KATNAL2: variants seen among roughly 807,000 people sequenced by gnomAD.
The protein encoded by KATNAL2 is katanin catalytic subunit A1 like 2, also known as katanin p60 ATPase-containing subunit A-like 2.
In KATNAL2, 52 loss-of-function variants were observed where a neutral mutation model predicts 76.3. The observed-to-expected ratio is 0.68, with a 90% CI of 0.55 to 0.86. KATNAL2 has a LOEUF of 0.86. Among genes scored for constraint, KATNAL2 ranks in the 40% least tolerant of loss-of-function variants. The pLI, the probability that KATNAL2 is intolerant of heterozygous loss-of-function variation, is 0.00. For synonymous variants in KATNAL2, 243 were observed against 244.2 expected, an observed-to-expected ratio of 1.00 and a Z score of 0.05; for missense variants, 660 against 668.9, an observed-to-expected ratio of 0.99 and a Z score of 0.15.
At chr18:46,948,065 G>A (rs2059433025) in intron 3 of KATNAL2, among the ~76,000 whole-genome samples, 1 of 152,154 alleles carries the variant, frequency 6.6e-6, no homozygotes, top group Non-Finnish European at 1.5e-5. Context: ...GAAAAACACA[G>A]CCGTAAACGT....
At chr18:46,951,596 C>G (rs2059558621) in intron 3 of KATNAL2, among the ~76,000 whole-genome samples, 1 of 151,636 alleles carries the variant, frequency 6.6e-6, no homozygotes, top group Admixed American at 6.6e-5. Flanking sequence ...TGCCCTATAT[C>G]CCTCTTGTAG....
At chr18:47,094,823 C>T (rs1275459907) in intron 15 of KATNAL2, among the ~76,000 whole-genome samples, 1 of 152,130 alleles carries the variant, frequency 6.6e-6, no homozygotes, top group Non-Finnish European at 1.5e-5. Flanking sequence ...CTGGTGTTTC[C>T]CAGCCTGGAG....
At position 47,063,064 on chromosome 18, in the gene KATNAL2, C is replaced by A. The variant is rs772363117; in HGVS notation, c.642C>A (p.Asp214Glu). 18 of 1,612,878 alleles carry A rather than the reference C, an allele frequency of 1.1e-5. No individual in the cohort carries two copies. Among genetic ancestry groups the A allele is most frequent in the Admixed American group, 1.7e-5 (1 of 59,982 alleles). Residue 214 changes from aspartate (D) to glutamate (E), a missense_variant, in exon 9 of 18, where the codon GAC (aspartate) becomes GAA (glutamate). Transcript: ENST00000683218. ...LALNTFDHNP[D>E]PSERLLKPLS... ...TGAACACCTTCGACCATAATCCAGACCCCTCAGTAAGTGGCGAAGATGTGA... is the reference window on the plus strand; with the variant it reads ...TGAACACCTTCGACCATAATCCAGAACCCTCAGTAAGTGGCGAAGATGTGA...
Position 47,100,280 on chromosome 18 carries a change from T to G in KATNAL2, c.1401T>G (p.Asp467Glu). The change falls in exon 17 of 18, where the codon GAT becomes GAG. Residue 467 changes from aspartate to glutamate, a missense_variant. Transcript: ENST00000683218. ...AGACTGAGGGCTACTCAGGCTCAGA[T>G]ATTAAGCTCGTCTGCAGGGAAGCAG... ...SQETEGYSGS[D>E]IKLVCREAAM... 2 of 1,614,114 alleles carry G rather than the reference T, an allele frequency of 1.2e-6. No homozygotes were observed. Among genetic ancestry groups the G allele is most frequent in the Non-Finnish European group, 1.7e-6 (2 of 1,179,976 alleles).
chr18:46,944,445 G>A (rs981325735), intron 1 of KATNAL2, among the ~76,000 whole-genome samples: 1 of 152,112 alleles, frequency 6.6e-6, no homozygotes, highest in Non-Finnish European at 1.5e-5. Context: ...AAGTATACGG[G>A]ATGGGTTGGG....
rs1409707938 is a variant in KATNAL2 at position 47,069,526 on chromosome 18, A to G, written c.934A>G (p.Lys312Glu). The G allele has an allele frequency of 6.2e-7, 1 of 1,614,036 alleles. No individual in the cohort carries two copies. The highest frequency in any genetic ancestry group is 8.5e-7 in the Non-Finnish European group (1 of 1,179,912). Residue 312 changes from lysine to glutamate, a missense_variant, in exon 13 of 18, where the codon AAA (lysine) becomes GAA (glutamate). Coordinates refer to ENST00000683218, the MANE Select transcript of KATNAL2 (RefSeq NM_001387690.1). ...LLAKAVATEC[K>E]TTFFNISAST... Reference sequence around the variant, plus strand: ...GGCCAAAGCTGTGGCCACTGAATGTAAAACAACCTTCTTTAACATTTCTGC... The same window carrying G: ...GGCCAAAGCTGTGGCCACTGAATGTGAAACAACCTTCTTTAACATTTCTGC...
At chr18:46,949,659 T>G (rs1455601181) in intron 3 of KATNAL2, among the ~76,000 whole-genome samples, 3 of 152,202 alleles carry the variant, frequency 2.0e-5, no homozygotes, top group South Asian at 4.2e-4. Flanking sequence ...AAATCGTAAT[T>G]CTGGGGGTTA....
chr18:46,918,696 A>T (rs2058294267), intron 1 of KATNAL2, among the ~76,000 whole-genome samples: 1 of 152,158 alleles, frequency 6.6e-6, no homozygotes, highest in South Asian at 2.1e-4. Flanking sequence ...TACTGAGATT[A>T]CAGGCGTGAG....
Position 47,033,386 on chromosome 18 carries a change from G to T in KATNAL2, c.52-13071G>T, listed in dbSNP as rs778297197. On this transcript the variant is annotated intron_variant, in intron 3 of 17. Coordinates refer to ENST00000683218, the MANE Select transcript of KATNAL2 (RefSeq NM_001387690.1). ...TTGGGGTTGTTTCCACGTGCAGATC[G>T]GATATTCGTTGTCATTACTCTCAGC... The T allele has an allele frequency of 1.9e-6, 3 of 1,614,116 alleles. No individual in the cohort carries two copies. The South Asian group carries it at 3.3e-5, about 18-fold the overall frequency.
At position 47,033,821 on chromosome 18, in the gene KATNAL2, A is replaced by C. The variant is rs1287722230; in HGVS notation, c.52-12636A>C. The C allele has an allele frequency of 3.1e-6, 5 of 1,614,054 alleles. No homozygotes were observed. In the African/African-American group the frequency reaches 5.3e-5, roughly 17 times the overall value. On this transcript the variant is annotated intron_variant, in intron 3 of 17. Transcript: ENST00000683218. Reference sequence around the variant, plus strand: ...TCTGGCTTTGCCTGGGAGGTCATGGAGTCAGAATCCGAAAGCGGATCGTAG... The same window carrying C: ...TCTGGCTTTGCCTGGGAGGTCATGGCGTCAGAATCCGAAAGCGGATCGTAG...
chr18:46,920,058 C>T (rs1439871891), intron 1 of KATNAL2: 5 of 1,289,412 alleles, frequency 3.9e-6, no homozygotes, highest in Non-Finnish European at 5.1e-6. Flanking sequence ...CTGAAACTTA[C>T]GTGCAGTGTT....
intron 3 of KATNAL2, among the ~76,000 whole-genome samples, chr18:47,035,913 T>G (rs2060754501): frequency 1.3e-5 from 2 of 152,176 alleles, no homozygotes; most frequent in African/African-American, 4.8e-5. Context: ...TGCCTAGGAC[T>G]GATGTTGTGT....
chr18:46,956,991 C>T (rs753755681), intron 3 of KATNAL2, among the ~76,000 whole-genome samples: 22 of 133,702 alleles, frequency 1.6e-4, no homozygotes, highest in Non-Finnish European at 2.6e-4. Flanking sequence ...TGCGGTGAGC[C>T]AAGATCATGC....
rs2061503890 is a variant in KATNAL2 at position 47,057,446 on chromosome 18, A to G, written c.333-789A>G. The stretch of plus-strand genomic sequence containing the variant: ...GATTTGATCTTTCTATGGATATATA[A>G]CATATATACAGTCATACCACATATA... On this transcript the variant is annotated intron_variant, in intron 6 of 17. Coordinates refer to ENST00000683218, the MANE Select transcript of KATNAL2 (RefSeq NM_001387690.1). 2.6e-5 allele frequency among the ~76,000 whole-genome samples: 4 copies of G among 152,264 alleles called. No homozygotes were observed. The South Asian group carries it at 8.3e-4, about 32-fold the overall frequency.
rs976447994 is a variant in KATNAL2, at chr18:47,101,928, T to C, written c.*923T>C. The stretch of plus-strand genomic sequence containing the variant: ...TCAACCCTTGATAAATTTTGAAGGC[T>C]TCTACTAAGTAATGCCACTTCTTTT... On this transcript the variant is annotated 3_prime_UTR_variant, in exon 18 of 18. Coordinates refer to ENST00000683218, the MANE Select transcript of KATNAL2 (RefSeq NM_001387690.1). 6.6e-6 allele frequency: 1 copy of C among 152,218 alleles called. No homozygotes were observed. Among genetic ancestry groups the C allele is most frequent in the African/African-American group, 2.4e-5 (1 of 41,444 alleles). The allele number at this position is 152,218 out of a possible 1,614,324, so 9.4% of individuals were successfully genotyped here.
At chr18:47,076,123 T>G (rs755349288) in intron 14 of KATNAL2, 4 of 152,336 alleles carry the variant, frequency 2.6e-5, no homozygotes, top group Admixed American at 1.3e-4. Context: ...GCTGCATTTA[T>G]TAATGACCTT....
At chr18:47,055,781 C>T (rs1010610362) in intron 6 of KATNAL2, among the ~76,000 whole-genome samples, 1 of 152,190 alleles carries the variant, frequency 6.6e-6, no homozygotes, top group Non-Finnish European at 1.5e-5. Flanking sequence ...TCTTCCCTGG[C>T]AAATGCTCTG....
chr18:46,936,270 C>T (rs192435501), intron 1 of KATNAL2, among the ~76,000 whole-genome samples: 1 of 152,024 alleles, frequency 6.6e-6, no homozygotes, highest in African/African-American at 2.4e-5. Context: ...TTCAAGTGCA[C>T]GTGGATTATT....
intron 3 of KATNAL2, among the ~76,000 whole-genome samples, chr18:46,955,036 A>G (rs2059684090): frequency 6.6e-6 from 1 of 151,928 alleles, no homozygotes; most frequent in Non-Finnish European, 1.5e-5. Context: ...CTTTGCTTTA[A>G]GTCAGCTGGT....
Sources: allele counts gnomAD v4.1 joint callset (sites outside exome capture counted in the v4.1 genomes callset), GRCh38; gene constraint gnomAD v4.1.1; transcripts MANE v1.5; gene names NCBI Gene and HGNC (gene_info 2026-07-23, HGNC 2026-07-21).